The following ATXN1 variants were observed in gnomAD, a reference collection of about 807,000 sequenced individuals.
The protein encoded by ATXN1 is ataxin 1.
ATXN1 carries 8 observed loss-of-function variants against 56.4 expected under a neutral mutation model. That is an observed-to-expected ratio of 0.14 (90% CI 0.08 to 0.26). The LOEUF (loss-of-function observed/expected upper bound fraction) is 0.26, where lower values mean the gene tolerates loss of function less well. ATXN1 is among the 10% of genes least tolerant of loss of function. The pLI is 1.00. For synonymous variants in ATXN1, 514 were observed against 494.6 expected, an observed-to-expected ratio of 1.04 and a Z score of -0.52; for missense variants, 987 against 1,106.5, an observed-to-expected ratio of 0.89 and a Z score of 1.53.
intron 6 of ATXN1, among the ~76,000 whole-genome samples, chr6:16,412,026 G>A (rs1303173488): frequency 6.6e-6 from 1 of 152,158 alleles, no homozygotes; most frequent in Admixed American, 6.5e-5. Flanking sequence ...ACATGACCAA[G>A]TGCATGAAGT....
intron 4 of ATXN1, among the ~76,000 whole-genome samples, chr6:16,529,208 G>GTTTTTTTTTTTTTTTTTTTT (rs57446118): frequency 8.1e-6 from 1 of 123,358 alleles, no homozygotes. Context: ...AGGGTTTTTT[G>GTTTTTTTTTTTTTTTTTTTT]TTTTTTTTTT....
chr6:16,525,569 G>A (rs1420689591), intron 4 of ATXN1, among the ~76,000 whole-genome samples: 1 of 151,902 alleles, frequency 6.6e-6, no homozygotes, highest in Non-Finnish European at 1.5e-5. Context: ...TGGTTAATGG[G>A]TACAAAAAAA....
chr6:16,573,215 C>G (rs1346341362), intron 4 of ATXN1, among the ~76,000 whole-genome samples: 1 of 151,874 alleles, frequency 6.6e-6, no homozygotes, highest in Non-Finnish European at 1.5e-5. Flanking sequence ...CCTTCCTCAC[C>G]TAGAATACAT....
chr6:16,728,172 A>G (rs922745481), intron 2 of ATXN1, among the ~76,000 whole-genome samples: 2 of 152,186 alleles, frequency 1.3e-5, no homozygotes, highest in Non-Finnish European at 2.9e-5. Context: ...AGCTGAAAGG[A>G]GGCAAAGGCC....
intron 5 of ATXN1, among the ~76,000 whole-genome samples, chr6:16,490,596 C>G (rs922779013): frequency 9.9e-5 from 15 of 152,208 alleles, no homozygotes; most frequent in African/African-American, 3.6e-4. Context: ...CTCCTCTTAA[C>G]TTCTCTAACA....
At chr6:16,699,699 G>C (rs1473440194) in intron 2 of ATXN1, among the ~76,000 whole-genome samples, 1 of 152,158 alleles carries the variant, frequency 6.6e-6, no homozygotes, top group Non-Finnish European at 1.5e-5. Context: ...AGAAGCACTT[G>C]TTTTTATTAA....
chr6:16,504,497 C>A (rs1316398094), intron 5 of ATXN1, among the ~76,000 whole-genome samples: 1 of 152,174 alleles, frequency 6.6e-6, no homozygotes, highest in Non-Finnish European at 1.5e-5. Flanking sequence ...TGCATATTAT[C>A]ATCAGTGACA....
chr6:16,460,936 C>A (rs1270562451), intron 6 of ATXN1, among the ~76,000 whole-genome samples: 1 of 152,198 alleles, frequency 6.6e-6, no homozygotes, highest in African/African-American at 2.4e-5. Flanking sequence ...ATCCTACATG[C>A]CCATGCTGCA....
intron 6 of ATXN1, among the ~76,000 whole-genome samples, chr6:16,447,285 C>T (rs138616465): frequency 6.6e-6 from 1 of 152,292 alleles, no homozygotes; most frequent in African/African-American, 2.4e-5. Context: ...AGTGCAGTGG[C>T]ATGATCTCAG....
At chr6:16,379,266 G>A (rs1159835432) in intron 6 of ATXN1, among the ~76,000 whole-genome samples, 1 of 152,202 alleles carries the variant, frequency 6.6e-6, no homozygotes, top group Non-Finnish European at 1.5e-5. Flanking sequence ...AGGGGGAAGA[G>A]TGGGAGTGGG....
intron 3 of ATXN1, among the ~76,000 whole-genome samples, chr6:16,651,543 CA>C (rs567160469): frequency 6.0e-4 from 79 of 131,470 alleles, no homozygotes; most frequent in South Asian, 9.9e-4. Flanking sequence ...GACTCTGTCT[CA>C]AAAAAAAAAA....
intron 6 of ATXN1, among the ~76,000 whole-genome samples, chr6:16,387,652 A>T (rs1758268899): frequency 6.6e-6 from 1 of 152,194 alleles, no homozygotes; most frequent in South Asian, 2.1e-4. Flanking sequence ...TGCATAGCAG[A>T]GGGCCGTCCT....
chr6:16,708,808 C>A (rs1759462752), intron 2 of ATXN1, among the ~76,000 whole-genome samples: 7 of 152,028 alleles, frequency 4.6e-5, no homozygotes, highest in Admixed American at 4.6e-4. Flanking sequence ...GGTGGAACAC[C>A]TGAGGTCAGG....
At chr6:16,519,841 C>G (rs774550793) in intron 5 of ATXN1, among the ~76,000 whole-genome samples, 11 of 152,216 alleles carry the variant, frequency 7.2e-5, no homozygotes, top group South Asian at 4.1e-4. Context: ...CCAAGATGGA[C>G]CGAGACAGGA....
intron 6 of ATXN1, among the ~76,000 whole-genome samples, chr6:16,482,220 T>C (rs1384583160): frequency 6.6e-6 from 1 of 152,114 alleles, no homozygotes; most frequent in Admixed American, 6.6e-5. Flanking sequence ...TTAGTGAATG[T>C]CATTTAGGCA....
chr6:16,634,314 T>C (rs1031263966), intron 3 of ATXN1, among the ~76,000 whole-genome samples: 4 of 152,194 alleles, frequency 2.6e-5, no homozygotes, highest in African/African-American at 9.7e-5. Context: ...TTATATGTAA[T>C]CTTGAGCAGG....
rs1286939107 is a variant in ATXN1 at position 16,407,706 on chromosome 6, T to C, written c.-161+78266A>G. On this transcript the variant is annotated intron_variant, in intron 6 of 7. Coordinates refer to ENST00000436367, the MANE Select transcript of ATXN1 (RefSeq NM_001128164.2). The stretch of plus-strand genomic sequence containing the variant: ...CCAGTAGCTTTTCATCATTAGACTA[T>C]GTAGCTAGAAGCCCCATTGGAGGGT... 3.9e-5 allele frequency among the ~76,000 whole-genome samples: 6 copies of C among 152,344 alleles called. No homozygotes were observed. The East Asian group carries it at 5.8e-4, about 15-fold the overall frequency.
intron 4 of ATXN1, among the ~76,000 whole-genome samples, chr6:16,538,798 G>A (rs560998592): frequency 2.6e-5 from 4 of 152,070 alleles, no homozygotes; most frequent in South Asian, 2.1e-4. Flanking sequence ...CAATCCTCTC[G>A]CCTCAGCCTC....
At chr6:16,572,531 G>A (rs374901302) in intron 4 of ATXN1, among the ~76,000 whole-genome samples, 2 of 152,138 alleles carry the variant, frequency 1.3e-5, no homozygotes, top group Admixed American at 6.5e-5. Flanking sequence ...GAGGTTTTCA[G>A]CTTGTCATAG....
Sources: allele counts gnomAD v4.1 joint callset (sites outside exome capture counted in the v4.1 genomes callset), GRCh38; gene constraint gnomAD v4.1.1; transcripts MANE v1.5; gene names NCBI Gene and HGNC (gene_info 2026-07-23, HGNC 2026-07-21).